Variants in ERI1 observed in about 807,000 individuals in gnomAD.
The protein encoded by ERI1 is 3'-5' exoribonuclease 1.
In ERI1, 39 loss-of-function variants were observed where a neutral mutation model predicts 39.7. The ratio of observed to expected loss-of-function variants is 0.98; its 90% confidence interval spans 0.76 to 1.28. ERI1 has a LOEUF of 1.28. ERI1 is among the 50% of genes most tolerant of loss of function. The probability of loss-of-function intolerance (pLI) is 0.00; values close to 1 mark genes in which losing one functional copy is unlikely to be tolerated. For synonymous variants in ERI1, 204 were observed against 149.6 expected, an observed-to-expected ratio of 1.36 and a Z score of -2.65; for missense variants, 581 against 416.9, an observed-to-expected ratio of 1.39 and a Z score of -3.43.
chr8:9,092,501 A>G (rs11775551), intron 3 of ERI1, among the ~76,000 whole-genome samples: 28,695 of 152,140 alleles, frequency 0.19, 3,056 homozygotes, highest in African/African-American at 0.26. Context: ...AGGAAATAAG[A>G]TTTGCTCTTG....
chr8:9,032,574 C>G lies in ERI1; in HGVS notation c.*2540C>G, dbSNP rs1797663861. On this transcript the variant is annotated 3_prime_UTR_variant, in exon 7 of 7. Transcript: ENST00000250263. The stretch of plus-strand genomic sequence containing the variant: ...GGAGAAGTTTCTGCCTGGATTGAAA[C>G]AAAAAAACACAGGCGTCACAAGCAT... 1.3e-5 allele frequency: 2 copies of G among 151,874 alleles called. No homozygotes were observed. Among genetic ancestry groups the G allele is most frequent in the Admixed American group, 1.3e-4 (2 of 15,248 alleles). 9.4% of individuals were successfully genotyped at this position (151,874 alleles called of 1,614,324 possible).
At chr8:9,065,421 C>T (rs367555054) in intron 3 of ERI1, among the ~76,000 whole-genome samples, 2 of 152,112 alleles carry the variant, frequency 1.3e-5, no homozygotes, top group African/African-American at 4.8e-5. Flanking sequence ...GCCAGCTGGG[C>T]GCAGTGGCTC....
chr8:9,067,171 C>G (rs1449798035), intron 3 of ERI1, among the ~76,000 whole-genome samples: 1 of 151,984 alleles, frequency 6.6e-6, no homozygotes, highest in East Asian at 1.9e-4. Context: ...CAAATATAAG[C>G]CCCCATTATT....
intron 6 of ERI1, among the ~76,000 whole-genome samples, chr8:9,021,765 G>GTTTTTTTT (rs1161148984): frequency 5.9e-5 from 3 of 51,108 alleles, no homozygotes; most frequent in African/African-American, 2.4e-4. Flanking sequence ...TATATTATTT[G>GTTTTTTTT]TTTTTTTTGT....
At chr8:9,028,697 C>T (rs1392932110) in intron 6 of ERI1, among the ~76,000 whole-genome samples, 1 of 152,122 alleles carries the variant, frequency 6.6e-6, no homozygotes, top group African/African-American at 2.4e-5. Flanking sequence ...GATCTTGGCT[C>T]ACTGTAACCT....
chr8:9,010,562 C>G (rs1816556941), intron 2 of ERI1, among the ~76,000 whole-genome samples: 1 of 151,904 alleles, frequency 6.6e-6, no homozygotes, highest in African/African-American at 2.4e-5. Context: ...AAATAAAAGA[C>G]TAAAAAGGTT....
intron 3 of ERI1, chr8:9,088,681 T>G (rs2117470863): frequency 6.6e-6 from 1 of 152,382 alleles, no homozygotes; most frequent in Non-Finnish European, 1.5e-5. Context: ...CTCAGCTGGC[T>G]GCTAGTCAGT....
At chr8:9,098,525 A>G (rs918695727) in intron 3 of ERI1, among the ~76,000 whole-genome samples, 8 of 152,150 alleles carry the variant, frequency 5.3e-5, no homozygotes, top group Non-Finnish European at 1.0e-4. Context: ...CCATCTCAAC[A>G]ACAATAACAA....
intron 6 of ERI1, among the ~76,000 whole-genome samples, chr8:9,024,572 C>T (rs1324043019): frequency 6.6e-6 from 1 of 152,110 alleles, no homozygotes; most frequent in Non-Finnish European, 1.5e-5. Flanking sequence ...AGGTGCCTCC[C>T]ACCATGCCTG....
At chr8:9,039,803 G>A (rs1469562009) in intron 3 of ERI1, among the ~76,000 whole-genome samples, 1 of 152,100 alleles carries the variant, frequency 6.6e-6, no homozygotes, top group Non-Finnish European at 1.5e-5. Context: ...TCTGTTAAGA[G>A]GTAGTAAATA....
intron 4 of ERI1, among the ~76,000 whole-genome samples, chr8:9,017,358 C>T (rs1215982293): frequency 1.3e-5 from 2 of 152,116 alleles, no homozygotes; most frequent in African/African-American, 4.8e-5. Context: ...ATTTTTAGGT[C>T]TCTGATTTTT....
chr8:9,066,230 A>T (rs111448313), intron 3 of ERI1, among the ~76,000 whole-genome samples: 2 of 151,420 alleles, frequency 1.3e-5, no homozygotes, highest in Admixed American at 6.6e-5. Context: ...CATTTTCTTC[A>T]TTGGGGTTCC....
intron 3 of ERI1, among the ~76,000 whole-genome samples, chr8:9,071,611 A>T (rs1439742737): frequency 6.6e-6 from 1 of 152,220 alleles, no homozygotes; most frequent in African/African-American, 2.4e-5. Context: ...TGACTCCTTT[A>T]ACTTGGTAAC....
intron 6 of ERI1, 124 bp from the exon 7 acceptor site, chr8:9,029,668 C>A (rs918298226): frequency 1.7e-6 from 2 of 1,165,206 alleles, no homozygotes; most frequent in Non-Finnish European, 1.2e-6. Context: ...GGGGGTATTG[C>A]CCTTTGCCTA....
At chr8:9,037,891 T>TAA (rs33912518), downstream of ERI1, among the ~76,000 whole-genome samples, 1,343 of 145,762 alleles carry the variant, frequency 9.2e-3, 20 homozygotes, top group African/African-American at 0.03. Flanking sequence ...ATTGCTGATT[T>TAA]AAAAAAAAAA....
chr8:9,048,604 C>T (rs753423025), intron 3 of ERI1: 4 of 152,904 alleles, frequency 2.6e-5, no homozygotes, highest in Admixed American at 6.5e-5. Context: ...CAGGGAAGGA[C>T]ATGGGGAAAA....
At chr8:9,074,294 A>G (rs1354930423) in intron 3 of ERI1, among the ~76,000 whole-genome samples, 1 of 150,370 alleles carries the variant, frequency 6.7e-6, no homozygotes, top group East Asian at 2.0e-4. Context: ...TTTTTTCAGT[A>G]GAGACAGAGT....
intron 6 of ERI1, among the ~76,000 whole-genome samples, chr8:9,029,092 G>A (rs1400086013): frequency 1.3e-5 from 2 of 150,236 alleles, no homozygotes; most frequent in Admixed American, 6.7e-5. Context: ...CATCCAAAAA[G>A]GCTAGTCTTT....
At chr8:9,087,336 C>T (rs1005451124) in intron 3 of ERI1, among the ~76,000 whole-genome samples, 5 of 151,634 alleles carry the variant, frequency 3.3e-5, no homozygotes, top group African/African-American at 1.2e-4. Flanking sequence ...ATCTCCGCCT[C>T]CCGGGTTGAA....
Sources: gnomAD v4.1 joint callset for allele counts (sites outside exome capture counted in the v4.1 genomes callset) on GRCh38, gnomAD v4.1.1 for gene constraint, MANE v1.5 for transcripts, NCBI Gene and HGNC (gene_info 2026-07-23, HGNC 2026-07-21) for gene names.